HYDIN: variants seen among roughly 807,000 people sequenced by gnomAD.
The protein encoded by HYDIN is HYDIN axonemal central pair apparatus protein, also known as axonemal central pair apparatus protein HYDIN.
Under a neutral mutation model 403.9 loss-of-function variants are expected in HYDIN, and 132 were observed. That is an observed-to-expected ratio of 0.33 (90% CI 0.28 to 0.38). The LOEUF (loss-of-function observed/expected upper bound fraction) is 0.38. HYDIN is among the 10% of genes least tolerant of loss of function. HYDIN has a pLI of 1.00. For synonymous variants in HYDIN, 1,202 were observed against 1,891.7 expected (o/e 0.64, Z 9.46); for missense variants, 2,827 against 5,009.5 (o/e 0.56, Z 13.15).
chr16:70,989,592 G>T (rs2079280308), intron 25 of HYDIN, among the ~76,000 whole-genome samples: 1 of 152,028 alleles, frequency 6.6e-6, no homozygotes, highest in Non-Finnish European at 1.5e-5. Context: ...CCTAATATGA[G>T]TGCCATCTTC....
chr16:71,222,093 C>G (rs1272507085), intron 1 of HYDIN, among the ~76,000 whole-genome samples: 1 of 152,218 alleles, frequency 6.6e-6, no homozygotes, highest in Non-Finnish European at 1.5e-5. Context: ...TGAGCCTACT[C>G]TGGCTCAAGA....
At chr16:70,937,773 T>C (rs1174913368) in intron 44 of HYDIN, among the ~76,000 whole-genome samples, 4 of 135,376 alleles carry the variant, frequency 3.0e-5, no homozygotes, top group Non-Finnish European at 6.4e-5. Context: ...GAGAACAGGG[T>C]AAATAGTAGG....
chr16:71,156,308 T>C (rs2085765090), intron 6 of HYDIN, among the ~76,000 whole-genome samples: 2 of 152,342 alleles, frequency 1.3e-5, no homozygotes, highest in African/African-American at 2.4e-5. Flanking sequence ...GGGATTGCCA[T>C]TGCTACTTAC....
intron 10 of HYDIN, among the ~76,000 whole-genome samples, chr16:71,114,449 A>C (rs2083939706): frequency 6.6e-6 from 1 of 151,766 alleles, no homozygotes; most frequent in Admixed American, 6.6e-5. Flanking sequence ...CAAAGGAGAT[A>C]ATCCAGGCTC....
intron 45 of HYDIN, among the ~76,000 whole-genome samples, chr16:70,926,585 C>T (rs573743761): frequency 6.6e-6 from 1 of 151,654 alleles, no homozygotes; most frequent in Admixed American, 6.6e-5. Flanking sequence ...ACATTGTACA[C>T]ATGTACCCTA....
At chr16:71,207,374 T>G (rs1477084193) in intron 1 of HYDIN, among the ~76,000 whole-genome samples, 1 of 152,138 alleles carries the variant, frequency 6.6e-6, no homozygotes, top group African/African-American at 2.4e-5. Flanking sequence ...GACAAGCAAA[T>G]GCTGACAGAA....
intron 1 of HYDIN, among the ~76,000 whole-genome samples, chr16:71,211,887 T>C (rs1431586737): frequency 6.6e-6 from 1 of 152,166 alleles, no homozygotes; most frequent in Non-Finnish European, 1.5e-5. Flanking sequence ...ATGATTAATA[T>C]GTTTGAAGTA....
chr16:70,992,005 G>A (rs1418534914), intron 24 of HYDIN, 65 bp downstream of exon 24: 359 of 1,606,992 alleles, frequency 2.2e-4, no homozygotes, highest in Non-Finnish European at 3.0e-4. Context: ...TGAGTATTGA[G>A]AATGTAAGTC....
chr16:71,063,781 T>C (rs1343319063), intron 16 of HYDIN, among the ~76,000 whole-genome samples: 16 of 152,116 alleles, frequency 1.1e-4, no homozygotes, highest in Admixed American at 1.0e-3. Context: ...ACACATATGA[T>C]TGGATTTGCA....
At position 71,171,180 on chromosome 16, in the gene HYDIN, C is replaced by A. The variant is rs75149271; in HGVS notation, c.516+4427G>T. On this transcript the variant is annotated intron_variant, in intron 5 of 85. Coordinates refer to ENST00000393567, the MANE Select transcript of HYDIN (RefSeq NM_001270974.2). ...TGCCAAGCGTGTTTCTGCCACAAGG[C>A]CTTTGCACTTGCTGTTCCCGCTCCT... 1.1e-3 allele frequency among the ~76,000 whole-genome samples: 168 copies of A among 152,274 alleles called. No individual in the cohort carries two copies. In the East Asian group the frequency reaches 0.027, roughly 25 times the overall value.
chr16:71,163,119 CTTTTTTTTTTT>C (rs71272746), intron 5 of HYDIN, among the ~76,000 whole-genome samples: 5 of 120,750 alleles, frequency 4.1e-5, no homozygotes, highest in Non-Finnish European at 6.8e-5. Flanking sequence ...AATGATGTTT[CTTTTTTTTTTT>C]TTTTTTTTTT....
intron 1 of HYDIN, among the ~76,000 whole-genome samples, chr16:71,206,116 G>C (rs1166832284): frequency 1.3e-5 from 2 of 152,144 alleles, no homozygotes; most frequent in African/African-American, 4.8e-5. Flanking sequence ...ACACCCACTA[G>C]AGTTTCCAAC....
At chr16:71,183,403 T>C (rs1218871865) in intron 3 of HYDIN, among the ~76,000 whole-genome samples, 2 of 152,046 alleles carry the variant, frequency 1.3e-5, no homozygotes, top group Non-Finnish European at 2.9e-5. Flanking sequence ...AAAAAATACT[T>C]GATAATTCAA....
At chr16:71,092,703 T>C (rs2083148503) in intron 11 of HYDIN, among the ~76,000 whole-genome samples, 4 of 137,710 alleles carry the variant, frequency 2.9e-5, no homozygotes. Flanking sequence ...GCTTCAGTCT[T>C]CCAAGTAGTT....
intron 8 of HYDIN, among the ~76,000 whole-genome samples, chr16:71,135,681 G>A (rs180747844): frequency 6.7e-3 from 1,012 of 152,102 alleles, no homozygotes; most frequent in Non-Finnish European, 0.011. Context: ...CATGTGAGTC[G>A]GGGAACCAGG....
intron 66 of HYDIN, 115 bp from the exon 67 acceptor site, chr16:70,866,444 A>C (rs1266747119): frequency 1.1e-6 from 1 of 903,438 alleles, no homozygotes; most frequent in Non-Finnish European, 1.7e-6. Flanking sequence ...ATTTAGGTAC[A>C]CTATGTGACA....
intron 45 of HYDIN, among the ~76,000 whole-genome samples, chr16:70,928,290 A>C (rs2077213855): frequency 1.3e-5 from 2 of 152,264 alleles, no homozygotes; most frequent in South Asian, 4.1e-4. Context: ...TGGCATAACC[A>C]CATTTCTACA....
intron 18 of HYDIN, among the ~76,000 whole-genome samples, chr16:71,036,798 T>C (rs1033209310): frequency 2.0e-5 from 3 of 152,128 alleles, no homozygotes; most frequent in Admixed American, 6.5e-5. Flanking sequence ...CTTACACGAG[T>C]CAGCCTCGAA....
intron 5 of HYDIN, among the ~76,000 whole-genome samples, chr16:71,169,426 C>G (rs1369182635): frequency 2.6e-5 from 4 of 151,852 alleles, no homozygotes; most frequent in Non-Finnish European, 5.9e-5. Context: ...GAGTGAGACT[C>G]TGTTAAAAAG....
Sources: gnomAD v4.1 joint callset for allele counts (sites outside exome capture counted in the v4.1 genomes callset) on GRCh38, gnomAD v4.1.1 for gene constraint, MANE v1.5 for transcripts, NCBI Gene and HGNC (gene_info 2026-07-23, HGNC 2026-07-21) for gene names.